NUDT6: variants seen among roughly 807,000 people sequenced by gnomAD.
The protein encoded by NUDT6 is nudix hydrolase 6.
Under a neutral mutation model 36.8 loss-of-function variants are expected in NUDT6, and 24 were observed. The observed-to-expected ratio is 0.65, with a 90% confidence interval of 0.47 to 0.92. The LOEUF is 0.92. Ranked by LOEUF, NUDT6 falls within the 40% of genes least tolerant of loss-of-function variation. The pLI, the probability that NUDT6 is intolerant of heterozygous loss-of-function variation, is 0.00. For synonymous variants in NUDT6, 163 were observed against 157.0 expected (o/e 1.04, Z -0.29); for missense variants, 388 against 392.8 (o/e 0.99, Z 0.10).
At chr4:122,901,875 C>T (rs2150802208) in intron 3 of NUDT6, among the ~76,000 whole-genome samples, 1 of 152,238 alleles carries the variant, frequency 6.6e-6, no homozygotes, top group Non-Finnish European at 1.5e-5. Flanking sequence ...TGTATAAACA[C>T]AACCCTTAAA....
At chr4:122,917,827 C>G in intron 1 of NUDT6, 123 bp from the exon 2 acceptor site, 1 of 756,216 alleles carries the variant, frequency 1.3e-6, no homozygotes. Context: ...CCCCAAATGT[C>G]TTGTTCACAT....
At chr4:122,901,486 A>T (rs1215383853) in intron 3 of NUDT6, among the ~76,000 whole-genome samples, 1 of 152,202 alleles carries the variant, frequency 6.6e-6, no homozygotes, top group Non-Finnish European at 1.5e-5. Flanking sequence ...AACAGAAGAC[A>T]GTGTGGATGA....
chr4:122,916,645 CGTCT>C (rs1035896586), intron 2 of NUDT6, among the ~76,000 whole-genome samples: 1 of 152,224 alleles, frequency 6.6e-6, no homozygotes, highest in East Asian at 1.9e-4. Flanking sequence ...GTTCTCTGTG[CGTCT>C]GTCTACTGAT....
chr4:122,898,522 T>A (rs907703025), intron 3 of NUDT6, among the ~76,000 whole-genome samples: 2 of 152,184 alleles, frequency 1.3e-5, no homozygotes, highest in Admixed American at 1.3e-4. Flanking sequence ...ATAAAATAAG[T>A]TATGGTCCTT....
At chr4:122,917,450 T>A (rs1412375020) in intron 2 of NUDT6, 51 bp downstream of exon 2, 1 of 1,449,562 alleles carries the variant, frequency 6.9e-7, no homozygotes, top group East Asian at 2.3e-5. Context: ...AGCAAGAAAT[T>A]GGGTGAACGT....
chr4:122,906,465 T>C (rs544519911), intron 3 of NUDT6, among the ~76,000 whole-genome samples: 3 of 152,282 alleles, frequency 2.0e-5, no homozygotes, highest in Admixed American at 1.3e-4. Context: ...GTAGCTGCTA[T>C]GTTACTATAT....
chr4:122,892,888 A>G lies in NUDT6; in HGVS notation c.891T>C (p.Phe297=). The G allele has an allele frequency of 1.9e-6, 3 of 1,613,754 alleles. No individual in the cohort carries two copies. Among genetic ancestry groups the G allele is most frequent in the South Asian group, 2.2e-5 (2 of 91,042 alleles). The change falls in exon 5 of 5, where the codon TTT becomes TTC. Residue 297 remains phenylalanine, a synonymous_variant. Coordinates refer to ENST00000304430, the MANE Select transcript of NUDT6 (RefSeq NM_007083.5). ...EELPAVYTGL[F]YKLYHKELPE... is the part of the protein sequence containing the mutation. ...GCAGTTCCTTATGATAGAGTTTATAAAACAGTCCTGTGTAAACTGCTGGAA... is the reference window on the plus strand; with the variant it reads ...GCAGTTCCTTATGATAGAGTTTATAGAACAGTCCTGTGTAAACTGCTGGAA...
chr4:122,896,494 C>T (rs1174291707), intron 4 of NUDT6: 1 of 152,138 alleles, frequency 6.6e-6, no homozygotes, highest in Non-Finnish European at 1.5e-5. Context: ...GCTCTGCTCT[C>T]ACGTGGCACC....
intron 3 of NUDT6, among the ~76,000 whole-genome samples, chr4:122,900,540 G>A (rs1042183931): frequency 6.7e-6 from 1 of 150,060 alleles, no homozygotes; most frequent in Admixed American, 6.6e-5. Context: ...CACTTTAGAG[G>A]TGATGAAACA....
chr4:122,912,808 G>T (rs1375273864), intron 2 of NUDT6, among the ~76,000 whole-genome samples, 185 bp from the exon 3 acceptor site: 4 of 152,004 alleles, frequency 2.6e-5, no homozygotes, highest in Admixed American at 6.5e-5. Flanking sequence ...CTGGATTTTG[G>T]AATATTTTCA....
intron 3 of NUDT6, among the ~76,000 whole-genome samples, chr4:122,900,057 A>ACACCCCC (rs376050692): frequency 2.3e-5 from 2 of 88,718 alleles, no homozygotes; most frequent in African/African-American, 4.6e-5. Context: ...CACCCCCGCC[A>ACACCCCC]CCCCCCCCCC....
rs1727217315 is a variant in NUDT6 at position 122,892,605 on chromosome 4, C to T, written c.*223G>A. The T allele has an allele frequency of 2.1e-6, 3 of 1,435,332 alleles. No individual in the cohort carries two copies. The highest frequency in any genetic ancestry group is 2.5e-5 in the East Asian group (1 of 40,038). 88.9% of individuals were successfully genotyped at this position (1,435,332 alleles called of 1,614,324 possible). On this transcript the variant is annotated 3_prime_UTR_variant, in exon 5 of 5. Transcript: ENST00000304430. Reference sequence around the variant, plus strand: ...AATGTATATTCTCCCTTTTATATTGCATCTGCTGTTACCCAGTGAAGCTTA... The same window carrying T: ...AATGTATATTCTCCCTTTTATATTGTATCTGCTGTTACCCAGTGAAGCTTA...
chr4:122,922,170 G>A (rs1289868738), intron 1 of NUDT6, 165 bp downstream of exon 1: 18 of 541,398 alleles, frequency 3.3e-5, no homozygotes, highest in Non-Finnish European at 3.1e-6. Flanking sequence ...CCAGCAAAAG[G>A]TCTAAGCACG....
At chr4:122,918,817 T>C (rs888356023) in intron 1 of NUDT6, 5 of 152,192 alleles carry the variant, frequency 3.3e-5, no homozygotes, top group African/African-American at 9.7e-5. Context: ...CTTTGTCTGA[T>C]GACATCTTTT....
At chr4:122,914,969 G>A (rs1461485747) in intron 2 of NUDT6, among the ~76,000 whole-genome samples, 1 of 152,050 alleles carries the variant, frequency 6.6e-6, no homozygotes, top group Non-Finnish European at 1.5e-5. Flanking sequence ...CTGGATAAAG[G>A]GACAAGGAAT....
Position 122,922,388 on chromosome 4 carries a change from C to G in NUDT6, c.185G>C (p.Arg62Pro), listed in dbSNP as rs1013928534. The G allele has an allele frequency of 6.2e-7, 1 of 1,608,608 alleles. No homozygotes were observed. Among genetic ancestry groups the G allele is most frequent in the Non-Finnish European group, 8.5e-7 (1 of 1,179,698 alleles). Reference sequence around the variant, plus strand: ...GTCCAGGCGGTCCAGCGCATCGAGCCGCGCCAGGCGCACCGAGATGCCCCC... The same window carrying G: ...GTCCAGGCGGTCCAGCGCATCGAGCGGCGCCAGGCGCACCGAGATGCCCCC... ...RFGGISVRLA[R>P]LDALDRLDAA... is the part of the protein sequence containing the mutation. The change falls in exon 1 of 5, where the codon CGG becomes CCG. Residue 62 changes from arginine (R) to proline (P), a missense_variant. Arg to Pro is a moderately radical substitution (Grantham distance 103). Coordinates refer to ENST00000304430, the MANE Select transcript of NUDT6 (RefSeq NM_007083.5).
At chr4:122,920,458 G>C (rs1727949238) in intron 1 of NUDT6, 1 of 152,196 alleles carries the variant, frequency 6.6e-6, no homozygotes, top group African/African-American at 2.4e-5. Context: ...AATATAACAA[G>C]TATTTGGTAC....
chr4:122,898,539 G>T (rs961839135), intron 3 of NUDT6, among the ~76,000 whole-genome samples: 1 of 152,014 alleles, frequency 6.6e-6, no homozygotes, highest in Non-Finnish European at 1.5e-5. Flanking sequence ...CCTTTTACTG[G>T]TTTGCTTTGT....
chr4:122,912,444 C>T lies in NUDT6; in HGVS notation c.498+124G>A, dbSNP rs114802597. ...AAATATCTAAGGTGATCCATAACTG[C>T]TTAGAAATGATTTTTAAAATACCTT... On this transcript the variant is annotated intron_variant, in intron 3 of 4. Transcript: ENST00000304430. The T allele has an allele frequency of 1.2e-3, 860 of 713,940 alleles. 5 individuals are homozygous for T. In the African/African-American group the frequency reaches 0.014, roughly 11 times the overall value. The allele number at this position is 713,940 out of a possible 1,614,324, so 44.2% of individuals were successfully genotyped here. A position where few individuals can be genotyped will look rare whatever the true frequency, so the allele number is the denominator to read the frequency against.
Sources: allele counts gnomAD v4.1 joint callset (sites outside exome capture counted in the v4.1 genomes callset), GRCh38; gene constraint gnomAD v4.1.1; transcripts MANE v1.5; gene names NCBI Gene and HGNC (gene_info 2026-07-23, HGNC 2026-07-21).